Variants in PKIA observed in about 807,000 individuals in gnomAD.
The protein encoded by PKIA is cAMP-dependent protein kinase inhibitor alpha.
PKIA carries 4 observed loss-of-function variants against 7.6 expected under a neutral mutation model. The observed-to-expected ratio is 0.52, with a 90% CI of 0.26 to 1.20. The LOEUF is 1.20. Among genes scored for constraint, PKIA ranks in the 50% most tolerant of loss-of-function variants. The probability of loss-of-function intolerance (pLI) is 0.13; values close to 1 mark genes in which losing one functional copy is unlikely to be tolerated. For synonymous variants in PKIA, 21 were observed against 30.7 expected (o/e 0.68, Z 1.04); for missense variants, 73 against 86.2 (o/e 0.85, Z 0.61).
chr8:78,590,492 G>T (rs1335250534), intron 2 of PKIA, among the ~76,000 whole-genome samples: 2 of 151,970 alleles, frequency 1.3e-5, no homozygotes, highest in Non-Finnish European at 2.9e-5. Flanking sequence ...TCTCTGTTAA[G>T]CCAGATTCTC....
intron 2 of PKIA, among the ~76,000 whole-genome samples, chr8:78,583,575 C>T (rs965715625): frequency 2.6e-5 from 4 of 152,074 alleles, no homozygotes; most frequent in East Asian, 1.9e-4. Context: ...TTGGTGAGAG[C>T]ATTTTCCTTT....
chr8:78,559,622 T>A (rs1807235928), intron 1 of PKIA, among the ~76,000 whole-genome samples: 1 of 152,208 alleles, frequency 6.6e-6, no homozygotes. Flanking sequence ...CTGAACTAAA[T>A]GTCTGTGTGA....
chr8:78,535,561 G>A (rs1392577321), intron 1 of PKIA: 1 of 151,874 alleles, frequency 6.6e-6, no homozygotes, highest in Admixed American at 6.6e-5. Context: ...ACTGCTGGGG[G>A]AGGAGGAAGA....
chr8:78,551,672 G>A (rs761441183), intron 1 of PKIA, among the ~76,000 whole-genome samples: 1 of 151,892 alleles, frequency 6.6e-6, no homozygotes, highest in African/African-American at 2.4e-5. Context: ...CTAATGTTTT[G>A]GGGTACCTTC....
intron 1 of PKIA, among the ~76,000 whole-genome samples, chr8:78,529,251 T>C (rs999996865): frequency 2.6e-5 from 4 of 152,102 alleles, no homozygotes; most frequent in African/African-American, 4.8e-5. Flanking sequence ...TTTTTGCAAA[T>C]TCATTGTACC....
rs558063339 is a variant in PKIA at position 78,522,283 on chromosome 8, T to C, written c.-157+5815T>C. The stretch of plus-strand genomic sequence containing the variant: ...GAAAAACATTTACTTAATTCCAAAT[T>C]GTTTTGTGACTTCAAGTTATGTGGT... On this transcript the variant is annotated intron_variant, in intron 1 of 3. Transcript: ENST00000396418. 3.3e-5 allele frequency among the ~76,000 whole-genome samples: 5 copies of C among 152,066 alleles called. No individual in the cohort carries two copies. In the South Asian group the frequency reaches 1.0e-3, roughly 32 times the overall value.
chr8:78,600,155 C>G (rs1405985950), intron 3 of PKIA, among the ~76,000 whole-genome samples: 1 of 151,632 alleles, frequency 6.6e-6, no homozygotes, highest in Non-Finnish European at 1.5e-5. Context: ...AGTCCAAAAC[C>G]AGGAACAGTA....
chr8:78,569,366 A>G (rs1051287702), intron 1 of PKIA, among the ~76,000 whole-genome samples: 8 of 152,156 alleles, frequency 5.3e-5, no homozygotes, highest in Non-Finnish European at 1.2e-4. Context: ...GGAAGGTGTC[A>G]GCAAGGCCAA....
chr8:78,527,807 A>G (rs969081824), intron 1 of PKIA, among the ~76,000 whole-genome samples: 1 of 151,424 alleles, frequency 6.6e-6, no homozygotes, highest in Non-Finnish European at 1.5e-5. Flanking sequence ...TTTTTAACCC[A>G]TAAGTTATTT....
At chr8:78,526,135 ATT>A (rs1203646642) in intron 1 of PKIA, among the ~76,000 whole-genome samples, 2 of 151,946 alleles carry the variant, frequency 1.3e-5, no homozygotes, top group Non-Finnish European at 2.9e-5. Context: ...TTCATGAATT[ATT>A]TTTTCTACCC....
At chr8:78,585,083 C>A (rs761742101) in intron 2 of PKIA, among the ~76,000 whole-genome samples, 33 of 151,860 alleles carry the variant, frequency 2.2e-4, no homozygotes, top group Non-Finnish European at 4.3e-4. Flanking sequence ...AATAAATACA[C>A]ATATTGTTTA....
At chr8:78,565,790 C>T (rs974971141) in intron 1 of PKIA, among the ~76,000 whole-genome samples, 1 of 151,812 alleles carries the variant, frequency 6.6e-6, no homozygotes, top group Non-Finnish European at 1.5e-5. Context: ...AATGTTATCA[C>T]TTTTCTGTTA....
intron 1 of PKIA, among the ~76,000 whole-genome samples, chr8:78,517,528 G>A (rs2118300317): frequency 6.6e-6 from 1 of 152,298 alleles, no homozygotes; most frequent in African/African-American, 2.4e-5. Context: ...AGAGGAGTCC[G>A]TTTGCCTCTA....
At chr8:78,517,991 T>G (rs1304613408) in intron 1 of PKIA, among the ~76,000 whole-genome samples, 1 of 152,196 alleles carries the variant, frequency 6.6e-6, no homozygotes, top group East Asian at 1.9e-4. Flanking sequence ...AGGGGCAGAG[T>G]TGGTAGCTTA....
intron 1 of PKIA, among the ~76,000 whole-genome samples, chr8:78,536,664 G>T (rs1450749302): frequency 1.3e-5 from 2 of 151,990 alleles, no homozygotes; most frequent in African/African-American, 2.4e-5. Context: ...TCCTCAAAAA[G>T]CTGTGTATCT....
intron 2 of PKIA, among the ~76,000 whole-genome samples, chr8:78,580,987 A>T (rs1807793275): frequency 6.6e-6 from 1 of 152,040 alleles, no homozygotes; most frequent in Non-Finnish European, 1.5e-5. Context: ...CATACACATA[A>T]ATCCCGTAGC....
At chr8:78,547,732 T>C (rs535346997) in intron 1 of PKIA, among the ~76,000 whole-genome samples, 5 of 152,258 alleles carry the variant, frequency 3.3e-5, no homozygotes, top group African/African-American at 1.2e-4. Context: ...ATATAACCCT[T>C]TTCTAGTCAA....
intron 1 of PKIA, among the ~76,000 whole-genome samples, chr8:78,517,105 C>T (rs959447043): frequency 6.6e-6 from 1 of 152,158 alleles, no homozygotes; most frequent in Non-Finnish European, 1.5e-5. Flanking sequence ...AGATGCTGTG[C>T]CCATTCACAG....
At chr8:78,540,081 TA>T (rs561328503) in intron 1 of PKIA, among the ~76,000 whole-genome samples, 9,451 of 128,910 alleles carry the variant, frequency 0.073, 951 homozygotes, top group African/African-American at 0.24. Flanking sequence ...AGAAATGAAG[TA>T]AAAAAAAAAA....
Sources: allele counts gnomAD v4.1 joint callset (sites outside exome capture counted in the v4.1 genomes callset), GRCh38; gene constraint gnomAD v4.1.1; transcripts MANE v1.5; gene names NCBI Gene and HGNC (gene_info 2026-07-23, HGNC 2026-07-21).